PPM1E: variants seen among roughly 807,000 people sequenced by gnomAD.
PPM1E encodes the protein protein phosphatase 1E.
A neutral mutation model predicts 65.9 loss-of-function variants in PPM1E; 20 were observed. That is an observed-to-expected ratio of 0.30 (90% CI 0.21 to 0.44). PPM1E has a LOEUF of 0.44. PPM1E is among the 20% of genes least tolerant of loss of function. The probability of loss-of-function intolerance (pLI) is 1.00; values close to 1 mark genes in which losing one functional copy is unlikely to be tolerated. For missense variants in PPM1E, 713 were observed against 953.1 expected (o/e 0.75, Z 3.32); for synonymous variants, 352 against 374.9 (o/e 0.94, Z 0.70).
intron 1 of PPM1E, among the ~76,000 whole-genome samples, chr17:58,899,148 A>G (rs1410989016): frequency 6.6e-6 from 1 of 151,784 alleles, no homozygotes; most frequent in East Asian, 1.9e-4. Flanking sequence ...CCCAGAACTT[A>G]AAGTATAATA....
rs533136786 is a variant in PPM1E at position 58,760,263 on chromosome 17, A to T, written c.464+3802A>T. ...GCTAAAGGCTCCCAACTCTATCTCC[A>T]TCCTTTCTTTGACTGCTAGAACAGC... On this transcript the variant is annotated intron_variant, in intron 1 of 6. Transcript: ENST00000308249. 3.3e-5 allele frequency among the ~76,000 whole-genome samples: 5 copies of T among 152,256 alleles called. No homozygotes were observed. In the East Asian group the frequency reaches 9.7e-4, roughly 29 times the overall value.
intron 1 of PPM1E, among the ~76,000 whole-genome samples, chr17:58,827,659 T>G (rs1371814670): frequency 6.6e-6 from 1 of 151,612 alleles, no homozygotes; most frequent in Non-Finnish European, 1.5e-5. Flanking sequence ...TCCCAGCACT[T>G]TGGGAGGCCG....
At chr17:58,786,181 AT>A (rs1396729675) in intron 1 of PPM1E, among the ~76,000 whole-genome samples, 1 of 151,702 alleles carries the variant, frequency 6.6e-6, no homozygotes, top group South Asian at 2.1e-4. Context: ...CACCTGGCTA[AT>A]TTTTTGTATT....
intron 1 of PPM1E, among the ~76,000 whole-genome samples, chr17:58,859,200 AG>A (rs2050913548): frequency 6.6e-6 from 1 of 152,314 alleles, no homozygotes; most frequent in Middle Eastern, 3.4e-3. Context: ...CTACGTTTCA[AG>A]GAAGATCAGT....
intron 1 of PPM1E, among the ~76,000 whole-genome samples, chr17:58,806,242 GT>G (rs996311028): frequency 6.7e-6 from 1 of 150,262 alleles, no homozygotes; most frequent in South Asian, 2.1e-4. Flanking sequence ...CAAAGTCTAT[GT>G]TTTTTTTTCC....
intron 1 of PPM1E, among the ~76,000 whole-genome samples, chr17:58,825,881 C>T (rs2050531143): frequency 6.6e-6 from 1 of 152,000 alleles, no homozygotes. Context: ...CATTCTCTAC[C>T]TTATTCTATA....
At chr17:58,775,696 T>C (rs1025540416) in intron 1 of PPM1E, among the ~76,000 whole-genome samples, 6 of 150,334 alleles carry the variant, frequency 4.0e-5, no homozygotes, top group African/African-American at 1.2e-4. Flanking sequence ...GGGTGGATCA[T>C]GAGGTCAGGA....
At chr17:58,950,840 G>A (rs1037257493) in intron 1 of PPM1E, among the ~76,000 whole-genome samples, 60 of 147,980 alleles carry the variant, frequency 4.1e-4, no homozygotes, top group African/African-American at 1.4e-3. Flanking sequence ...GTGCAGCGGC[G>A]TGATCTCTGC....
At position 58,982,462 on chromosome 17, in the gene PPM1E, A is replaced by G; in HGVS notation, c.*1431A>G. 6.3e-6 allele frequency: 1 copy of G among 158,440 alleles called. No homozygotes were observed. 9.8% of individuals were successfully genotyped at this position (158,440 alleles called of 1,614,324 possible). Reference sequence around the variant, plus strand: ...GGTGGCCCCTCTGGAGTGCTCACTAACAAGGGTGAGTGCTCTCGCTAAGAA... The same window carrying G: ...GGTGGCCCCTCTGGAGTGCTCACTAGCAAGGGTGAGTGCTCTCGCTAAGAA... On this transcript the variant is annotated 3_prime_UTR_variant, in exon 7 of 7. Coordinates refer to ENST00000308249, the MANE Select transcript of PPM1E (RefSeq NM_014906.5).
At chr17:58,887,856 G>T (rs1018492371) in intron 1 of PPM1E, among the ~76,000 whole-genome samples, 17 of 152,292 alleles carry the variant, frequency 1.1e-4, no homozygotes, top group African/African-American at 4.1e-4. Context: ...AAAGGGGAAA[G>T]AATTAGTAGT....
intron 1 of PPM1E, among the ~76,000 whole-genome samples, chr17:58,806,404 A>G (rs2050314666): frequency 6.6e-6 from 1 of 151,922 alleles, no homozygotes; most frequent in East Asian, 1.9e-4. Flanking sequence ...GAATAATTAG[A>G]TCTGTTTTCT....
At chr17:58,901,318 C>G (rs2051495596) in intron 1 of PPM1E, among the ~76,000 whole-genome samples, 1 of 152,100 alleles carries the variant, frequency 6.6e-6, no homozygotes, top group Non-Finnish European at 1.5e-5. Flanking sequence ...AATGTTCTTC[C>G]CCTTTTGAAG....
intron 1 of PPM1E, among the ~76,000 whole-genome samples, chr17:58,914,748 T>C (rs1370430249): frequency 2.0e-5 from 3 of 152,184 alleles, no homozygotes; most frequent in Non-Finnish European, 4.4e-5. Context: ...AGAGATAACA[T>C]GTGAATAGGA....
intron 1 of PPM1E, among the ~76,000 whole-genome samples, chr17:58,915,802 T>C (rs927141374): frequency 1.3e-5 from 2 of 152,254 alleles, no homozygotes; most frequent in African/African-American, 4.8e-5. Flanking sequence ...GCTTACCTAC[T>C]TTGCAATGTG....
intron 1 of PPM1E, among the ~76,000 whole-genome samples, chr17:58,884,704 G>T (rs1280414119): frequency 6.6e-6 from 1 of 152,108 alleles, no homozygotes; most frequent in Non-Finnish European, 1.5e-5. Flanking sequence ...CCACTTACTA[G>T]CTATTAGATT....
chr17:58,756,274 G>C lies in PPM1E; in HGVS notation c.277G>C (p.Val93Leu), dbSNP rs2044783619. Reference protein sequence around the residue: ...QDPEPEEEAAVEGEEEEEGAA... With the variant: ...QDPEPEEEAALEGEEEEEGAA... ...CCCGGAGCCCGAGGAGGAGGCGGCG[G>C]TTGAGGGTGAGGAGGAGGAGGAGGG... The change falls in exon 1 of 7, where the codon GTT becomes CTT. Residue 93 changes from valine (V) to leucine (L), a missense_variant. Physicochemically the swap from Val to Leu is conservative, Grantham distance 32. This residue lies in a region of PPM1E where 212 missense variants were observed against 204.0 expected (regional missense o/e 1.04). Transcript: ENST00000308249. 2.6e-6 allele frequency: 4 copies of C among 1,548,084 alleles called. No homozygotes were observed. The highest frequency in any genetic ancestry group is 2.6e-6 in the Non-Finnish European group (3 of 1,145,956).
chr17:58,925,527 G>A lies in PPM1E; in HGVS notation c.465-30122G>A, dbSNP rs529304131. 2.6e-5 allele frequency among the ~76,000 whole-genome samples: 4 copies of A among 151,870 alleles called. No individual in the cohort carries two copies. In the East Asian group the frequency reaches 5.8e-4, roughly 22 times the overall value. ...GTGATCTCGGCTCACTGCAAGGTCCGCCTCCTGGGTTCATGCCATTCTCCT... is the reference window on the plus strand; with the variant it reads ...GTGATCTCGGCTCACTGCAAGGTCCACCTCCTGGGTTCATGCCATTCTCCT... On this transcript the variant is annotated intron_variant, in intron 1 of 6. Transcript: ENST00000308249.
At chr17:58,859,508 G>C (rs1485169231) in intron 1 of PPM1E, among the ~76,000 whole-genome samples, 1 of 152,150 alleles carries the variant, frequency 6.6e-6, no homozygotes, top group African/African-American at 2.4e-5. Context: ...TGCTAGGAAG[G>C]CTTATTACTA....
chr17:58,873,035 T>C (rs994993539), intron 1 of PPM1E, among the ~76,000 whole-genome samples: 1 of 152,214 alleles, frequency 6.6e-6, no homozygotes, highest in Non-Finnish European at 1.5e-5. Context: ...TAGAACCACA[T>C]TCCTCTCAAG....
Sources: allele counts gnomAD v4.1 joint callset (sites outside exome capture counted in the v4.1 genomes callset), GRCh38; gene constraint gnomAD v4.1.1; regional missense constraint gnomAD v4.1.1; transcripts MANE v1.5; gene names NCBI Gene and HGNC (gene_info 2026-07-23, HGNC 2026-07-21).